The following NFIX variants were observed in gnomAD, a reference collection of about 807,000 sequenced individuals.
The protein encoded by NFIX is nuclear factor I X.
In NFIX, 2 loss-of-function variants were observed where a neutral mutation model predicts 53.3. The ratio of observed to expected loss-of-function variants is 0.04; its 90% confidence interval spans 0.02 to 0.12. NFIX has a LOEUF of 0.12. NFIX is among the 10% of genes least tolerant of loss of function. NFIX has a pLI of 1.00. For synonymous variants in NFIX, 244 were observed against 289.0 expected (o/e 0.84, Z 1.58); for missense variants, 310 against 674.5 (o/e 0.46, Z 5.99).
rs2018302496 is a variant in NFIX, at chr19:13,094,128, T to G, written c.1495-507T>G. Among the ~76,000 whole-genome samples, 1 of 152,166 alleles carries G rather than the reference T, an allele frequency of 6.6e-6. No homozygotes were observed. The highest frequency in any genetic ancestry group is 2.4e-5 in the African/African-American group (1 of 41,422). On this transcript the variant is annotated intron_variant, in intron 10 of 10. Transcript: ENST00000592199. This position sits in a 1 kb window ranked among gnomAD's most constrained non-coding sequence, Gnocchi z 4.3. ...AGCTGTGTGGTTCCCCTGCCCCCAG[T>G]CTTTCAGCCTGTGGGACCTTGGCTG... is the stretch of plus-strand genomic sequence containing the variant.
At position 13,066,282 on chromosome 19, in the gene NFIX, CAG is replaced by C. The variant is rs1344985740; in HGVS notation, c.560-6764_560-6763del. On this transcript the variant is annotated intron_variant, in intron 2 of 10. Transcript: ENST00000592199. The surrounding 1 kb of genome is among the most constrained non-coding windows in gnomAD (Gnocchi z 4.2). ...TGGAGAAAGTAGTTCTTCCTGGGGT[CAG>C]GGGATGGAGAGGGGAATGTCCCATC... is the stretch of plus-strand genomic sequence containing the variant. 2.0e-5 allele frequency among the ~76,000 whole-genome samples: 3 copies of C among 152,160 alleles called. No homozygotes were observed. The highest frequency in any genetic ancestry group is 4.4e-5 in the Non-Finnish European group (3 of 68,018).
At chr19:13,032,264 G>C (rs1198430939) in intron 2 of NFIX, among the ~76,000 whole-genome samples, 1 of 152,228 alleles carries the variant, frequency 6.6e-6, no homozygotes, top group Non-Finnish European at 1.5e-5. Context: ...GCCTTCTGAA[G>C]AGAGGGCTAG....
intron 2 of NFIX, among the ~76,000 whole-genome samples, chr19:13,029,297 A>G (rs1215022885): frequency 6.6e-6 from 1 of 152,112 alleles, no homozygotes; most frequent in Admixed American, 6.5e-5. Context: ...CCAAACCACA[A>G]TACCACTATT....
In NFIX at chr19:13,014,441, C is replaced by G. The variant is rs1318287027; in HGVS notation, c.28-10580C>G. The G allele has an allele frequency of 1.3e-5, 2 of 152,386 alleles. No individual in the cohort carries two copies. The highest frequency in any genetic ancestry group is 6.5e-5 in the Admixed American group (1 of 15,314). The allele number at this position is 152,386 out of a possible 1,614,324, so 9.4% of individuals were successfully genotyped here. On this transcript the variant is annotated intron_variant, in intron 1 of 10. Coordinates refer to ENST00000592199, the MANE Select transcript of NFIX (RefSeq NM_001365902.3). The surrounding 1 kb of genome is among the most constrained non-coding windows in gnomAD (Gnocchi z 4.4). The stretch of plus-strand genomic sequence containing the variant: ...GCCAGCCGAGGGCGCGTTTCCCAGG[C>G]GGCGGGCTGGTGGGAGAGTCAAACC...
rs976613342 is a variant in NFIX at position 13,002,374 on chromosome 19, C to A, written c.27+6510C>A. On this transcript the variant is annotated intron_variant, in intron 1 of 10. Transcript: ENST00000592199. The surrounding 1 kb of genome is among the most constrained non-coding windows in gnomAD (Gnocchi z 6.1). ...AAGGAAGAAGGGCTAGCTCCCCAAC[C>A]CCCCCTTCCTCACCACCTCCCCCCT... 6.6e-6 allele frequency among the ~76,000 whole-genome samples: 1 copy of A among 152,076 alleles called. No homozygotes were observed.
chr19:13,073,280 T>C lies in NFIX; in HGVS notation c.623-142T>C. 2.2e-6 allele frequency: 2 copies of C among 917,826 alleles called. No homozygotes were observed. The highest frequency in any genetic ancestry group is 2.7e-5 in the South Asian group (2 of 75,028). 56.9% of individuals were successfully genotyped at this position (917,826 alleles called of 1,614,324 possible). A position where few individuals can be genotyped will look rare whatever the true frequency, so the allele number is the denominator to read the frequency against. On this transcript the variant is annotated intron_variant, in intron 3 of 10. Transcript: ENST00000592199. The surrounding 1 kb of genome is among the most constrained non-coding windows in gnomAD (Gnocchi z 4.5). ...GGGGGCACACCTAGAGGATCCCCCC[T>C]GTTCGGTGTAGACCTGAGGGCTAGC... is the stretch of plus-strand genomic sequence containing the variant.
chr19:13,068,329 G>A lies in NFIX; in HGVS notation c.560-4718G>A, dbSNP rs2016559499. On this transcript the variant is annotated intron_variant, in intron 2 of 10. Transcript: ENST00000592199. The surrounding 1 kb of genome is among the most constrained non-coding windows in gnomAD (Gnocchi z 4.2). ...AGGCAAAGGAAGGACAGAGGGAGGG[G>A]AGCCAAGGGAGACAGGGAAGTAAGA... 6.6e-6 allele frequency among the ~76,000 whole-genome samples: 1 copy of A among 152,130 alleles called. No homozygotes were observed. The highest frequency in any genetic ancestry group is 2.4e-5 in the African/African-American group (1 of 41,422).
chr19:13,079,192 G>A (rs566761748), intron 7 of NFIX, among the ~76,000 whole-genome samples: 1 of 152,366 alleles, frequency 6.6e-6, no homozygotes, highest in South Asian at 2.1e-4. Context: ...GGATGGAGAA[G>A]AGTACTCCTA....
chr19:13,059,044 T>C (rs926937564), intron 2 of NFIX, among the ~76,000 whole-genome samples: 1 of 152,194 alleles, frequency 6.6e-6, no homozygotes, highest in Non-Finnish European at 1.5e-5. Context: ...CCATTAGGAT[T>C]CACACATCCA....
chr19:13,080,468 T>C (rs1412512039), intron 7 of NFIX, among the ~76,000 whole-genome samples: 2 of 152,168 alleles, frequency 1.3e-5, no homozygotes, highest in Non-Finnish European at 2.9e-5. Flanking sequence ...CAAGTGATCC[T>C]CCCACCTTGG....
In NFIX at chr19:13,073,342, C is replaced by G; in HGVS notation, c.623-80C>G. 8.1e-7 allele frequency: 1 copy of G among 1,241,724 alleles called. No homozygotes were observed. The highest frequency in any genetic ancestry group is 1.9e-4 in the Middle Eastern group (1 of 5,348). 76.9% of individuals were successfully genotyped at this position (1,241,724 alleles called of 1,614,324 possible). A position where few individuals can be genotyped will look rare whatever the true frequency, so the allele number is the denominator to read the frequency against. On this transcript the variant is annotated intron_variant, in intron 3 of 10. Coordinates refer to ENST00000592199, the MANE Select transcript of NFIX (RefSeq NM_001365902.3). The surrounding 1 kb of genome is among the most constrained non-coding windows in gnomAD (Gnocchi z 4.5). Reference sequence around the variant, plus strand: ...AACGGGACTTGGGAGGGAGAAGCAACAGTGTGGAAGACCTTTGGAAATAGC... The same window carrying G: ...AACGGGACTTGGGAGGGAGAAGCAAGAGTGTGGAAGACCTTTGGAAATAGC...
rs1180777386 is a variant in NFIX, at chr19:13,002,154, A to G, written c.27+6290A>G. 6.6e-6 allele frequency among the ~76,000 whole-genome samples: 1 copy of G among 151,670 alleles called. No homozygotes were observed. Among genetic ancestry groups the G allele is most frequent in the Non-Finnish European group, 1.5e-5 (1 of 67,876 alleles). On this transcript the variant is annotated intron_variant, in intron 1 of 10. Transcript: ENST00000592199. This position sits in a 1 kb window ranked among gnomAD's most constrained non-coding sequence, Gnocchi z 6.1. Reference sequence around the variant, plus strand: ...CACCCGCCATCCCTCCGAGGCTCTGAGGGCGCGGATTTGGAAACTGAGGTC... The same window carrying G: ...CACCCGCCATCCCTCCGAGGCTCTGGGGGCGCGGATTTGGAAACTGAGGTC...
Position 13,021,440 on chromosome 19 carries a change from T to G in NFIX, c.28-3581T>G, listed in dbSNP as rs8110484. Among the ~76,000 whole-genome samples, 1 of 152,120 alleles carries G rather than the reference T, an allele frequency of 6.6e-6. No homozygotes were observed. Among genetic ancestry groups the G allele is most frequent in the Admixed American group, 6.5e-5 (1 of 15,282 alleles). On this transcript the variant is annotated intron_variant, in intron 1 of 10. Transcript: ENST00000592199. The surrounding 1 kb of genome is among the most constrained non-coding windows in gnomAD (Gnocchi z 4.2). ...CAGGGCTGGATGTTTTATTTTGGCATGCCCCAGGTGCTCTTCCGGGAACCT... is the reference window on the plus strand; with the variant it reads ...CAGGGCTGGATGTTTTATTTTGGCAGGCCCCAGGTGCTCTTCCGGGAACCT...
Position 12,998,202 on chromosome 19 carries a change from C to G in NFIX, c.27+2338C>G, listed in dbSNP as rs2011536795. ...CCATCTCTCTTTCTCCATCTCTGTC[C>G]TTTTGTATGTCTCTGACTGTCTCTG... On this transcript the variant is annotated intron_variant, in intron 1 of 10. Coordinates refer to ENST00000592199, the MANE Select transcript of NFIX (RefSeq NM_001365902.3). The surrounding 1 kb of genome is among the most constrained non-coding windows in gnomAD (Gnocchi z 4.4). Among the ~76,000 whole-genome samples the G allele has an allele frequency of 1.3e-5, 2 of 152,090 alleles. No homozygotes were observed. The highest frequency in any genetic ancestry group is 4.8e-5 in the African/African-American group (2 of 41,484).
rs1015997430 is a variant in NFIX at position 13,088,184 on chromosome 19, C to G, written c.1402+48C>G. On this transcript the variant is annotated intron_variant, in intron 9 of 10. Coordinates refer to ENST00000592199, the MANE Select transcript of NFIX (RefSeq NM_001365902.3). The surrounding 1 kb of genome is among the most constrained non-coding windows in gnomAD (Gnocchi z 5.9). The stretch of plus-strand genomic sequence containing the variant: ...ACCACAACGCCCAGCGTCCCCGGCC[C>G]GTCCAAACAGTCTCCACTGCAAAAA... 6.5e-7 allele frequency: 1 copy of G among 1,533,372 alleles called. No individual in the cohort carries two copies. 95.0% of individuals were successfully genotyped at this position (1,533,372 alleles called of 1,614,324 possible). A position where few individuals can be genotyped will look rare whatever the true frequency, so the allele number is the denominator to read the frequency against.
chr19:13,034,883 C>T (rs1033325175), intron 2 of NFIX, among the ~76,000 whole-genome samples: 1 of 152,146 alleles, frequency 6.6e-6, no homozygotes. Flanking sequence ...TACCTCTCAC[C>T]ATTGATATCA....
At position 13,006,618 on chromosome 19, in the gene NFIX, T is replaced by G. The variant is rs905644779; in HGVS notation, c.27+10754T>G. On this transcript the variant is annotated intron_variant, in intron 1 of 10. Transcript: ENST00000592199. This position sits in a 1 kb window ranked among gnomAD's most constrained non-coding sequence, Gnocchi z 5.6. Reference sequence around the variant, plus strand: ...TAGCTCCCCCGGGGCGGGCTGGGTTTATTTTTACCCCAGCCTGTCACCCTG... The same window carrying G: ...TAGCTCCCCCGGGGCGGGCTGGGTTGATTTTTACCCCAGCCTGTCACCCTG... 6.6e-5 allele frequency among the ~76,000 whole-genome samples: 10 copies of G among 152,172 alleles called. No homozygotes were observed. The highest frequency in any genetic ancestry group is 2.4e-4 in the African/African-American group (10 of 41,450).
At chr19:13,092,810 C>T (rs149262789) in intron 10 of NFIX, among the ~76,000 whole-genome samples, 2,354 of 152,350 alleles carry the variant, frequency 0.015, 24 homozygotes, top group Non-Finnish European at 0.026. Context: ...CCGGTTCTCC[C>T]CCACCCACTC....
intron 1 of NFIX, among the ~76,000 whole-genome samples, chr19:12,999,321 C>T (rs143310020): frequency 3.3e-5 from 5 of 151,894 alleles, no homozygotes; most frequent in South Asian, 2.1e-4. Flanking sequence ...TACAGGTGCC[C>T]GCCACCACGC....
Sources: allele counts gnomAD v4.1 joint callset (sites outside exome capture counted in the v4.1 genomes callset), GRCh38; gene constraint gnomAD v4.1.1; non-coding constraint Gnocchi (gnomAD v3.1); transcripts MANE v1.5; gene names NCBI Gene and HGNC (gene_info 2026-07-23, HGNC 2026-07-21).